FAM222A: variants seen among roughly 807,000 people sequenced by gnomAD.
FAM222A encodes family with sequence similarity 222 member A.
A neutral mutation model predicts 25.8 loss-of-function variants in FAM222A; 7 were observed. That is an observed-to-expected ratio of 0.27 (90% confidence interval 0.15 to 0.51). The LOEUF is 0.51. Among genes scored for constraint, FAM222A ranks in the 20% least tolerant of loss-of-function variants. The pLI is 0.97. For missense variants in FAM222A, 573 were observed against 640.5 expected (o/e 0.89, Z 1.14); for synonymous variants, 294 against 298.8 (o/e 0.98, Z 0.17).
At chr12:109,715,727 C>T (rs1337790437) in intron 1 of FAM222A, among the ~76,000 whole-genome samples, 1 of 152,210 alleles carries the variant, frequency 6.6e-6, no homozygotes, top group East Asian at 1.9e-4. Context: ...TGTAGCCTGG[C>T]CTGTGCCTCG....
At chr12:109,763,604 C>A (rs955873306) in intron 2 of FAM222A, among the ~76,000 whole-genome samples, 4 of 152,200 alleles carry the variant, frequency 2.6e-5, no homozygotes, top group African/African-American at 9.7e-5. Context: ...AGTGTCCTGG[C>A]ACAACAGTGG....
intron 1 of FAM222A, among the ~76,000 whole-genome samples, chr12:109,733,193 TCTGAA>T (rs1887989581): frequency 6.6e-6 from 1 of 152,078 alleles, no homozygotes; most frequent in Non-Finnish European, 1.5e-5. Flanking sequence ...GTGAGGCAAG[TCTGAA>T]CTGAACTGAG....
At chr12:109,744,469 C>T in intron 2 of FAM222A, 1 of 985,462 alleles carries the variant, frequency 1.0e-6, no homozygotes, top group Non-Finnish European at 1.2e-6. Context: ...TCCCAGCAGC[C>T]TCTTCTGACC....
chr12:109,751,683 C>G (rs1378491567), intron 2 of FAM222A, among the ~76,000 whole-genome samples: 1 of 152,192 alleles, frequency 6.6e-6, no homozygotes, highest in Non-Finnish European at 1.5e-5. Context: ...TCTTCTAAAC[C>G]AAGTAGGTCT....
chr12:109,746,678 T>C (rs1200846722), intron 2 of FAM222A, among the ~76,000 whole-genome samples: 1 of 152,222 alleles, frequency 6.6e-6, no homozygotes, highest in East Asian at 1.9e-4. Context: ...TACAATTCAA[T>C]GATTTTTAGT....
At chr12:109,744,451 G>T in intron 2 of FAM222A, 1 of 985,354 alleles carries the variant, frequency 1.0e-6, no homozygotes, top group Non-Finnish European at 1.2e-6. Context: ...ACTCTGGCTT[G>T]ACCTCCTTCC....
At chr12:109,715,956 G>C (rs1402530277) in intron 1 of FAM222A, among the ~76,000 whole-genome samples, 1 of 152,202 alleles carries the variant, frequency 6.6e-6, no homozygotes, top group African/African-American at 2.4e-5. Flanking sequence ...GCTGCCTGCT[G>C]CACCCCTAGT....
At chr12:109,722,274 A>G (rs1055283210) in intron 1 of FAM222A, among the ~76,000 whole-genome samples, 4 of 152,138 alleles carry the variant, frequency 2.6e-5, no homozygotes, top group African/African-American at 9.7e-5. Context: ...GCTGGCCTGG[A>G]TGTTTGGACT....
intron 1 of FAM222A, among the ~76,000 whole-genome samples, chr12:109,733,004 A>G (rs1289923712): frequency 6.6e-6 from 1 of 152,186 alleles, no homozygotes; most frequent in African/African-American, 2.4e-5. Flanking sequence ...GTGATGGGAC[A>G]ATGGCCAGGG....
chr12:109,762,678 A>G (rs1416624667), intron 2 of FAM222A, among the ~76,000 whole-genome samples: 1 of 152,232 alleles, frequency 6.6e-6, no homozygotes, highest in Non-Finnish European at 1.5e-5. Flanking sequence ...GCCTTCACCA[A>G]GCTGGGGTCA....
Position 109,768,301 on chromosome 12 carries a change from T to C in FAM222A, c.372T>C (p.Ser124=). 6.2e-7 allele frequency: 1 copy of C among 1,607,470 alleles called. No homozygotes were observed. Among genetic ancestry groups the C allele is most frequent in the Non-Finnish European group, 8.5e-7 (1 of 1,177,762 alleles). The change falls in exon 3 of 3, where the codon AGT becomes AGC. Residue 124 remains serine (S), a synonymous_variant. Coordinates refer to ENST00000538780, the MANE Select transcript of FAM222A (RefSeq NM_032829.3). ...CCGCACCAGCTGGGCCCGCCAAAAGTGTGCTCAAGAGCGCCGAGGGCAAGC... is the reference window on the plus strand; with the variant it reads ...CCGCACCAGCTGGGCCCGCCAAAAGCGTGCTCAAGAGCGCCGAGGGCAAGC... ...STAAPAGPAK[S]VLKSAEGKRT...
intron 1 of FAM222A, among the ~76,000 whole-genome samples, chr12:109,743,729 CA>C (rs1202201163): frequency 1.3e-5 from 2 of 151,992 alleles, no homozygotes; most frequent in African/African-American, 2.4e-5. Context: ...GACTTGCTTA[CA>C]GGGGGCCACC....
intron 2 of FAM222A, among the ~76,000 whole-genome samples, chr12:109,755,284 CTT>C (rs1888689267): frequency 1.5e-5 from 1 of 67,966 alleles, no homozygotes; most frequent in African/African-American, 5.9e-5. Context: ...GTCTGTAATT[CTT>C]CTTTTTTTTT....
At chr12:109,727,113 A>G (rs1887858220) in intron 1 of FAM222A, among the ~76,000 whole-genome samples, 1 of 150,322 alleles carries the variant, frequency 6.7e-6, no homozygotes. Context: ...CGGCCCTGCC[A>G]CACCTTACAC....
At position 109,740,120 on chromosome 12, in the gene FAM222A, C is replaced by G. The variant is rs543072707; in HGVS notation, c.-46-3981C>G. Among the ~76,000 whole-genome samples, 3 of 152,350 alleles carry G rather than the reference C, an allele frequency of 2.0e-5. No individual in the cohort carries two copies. In the South Asian group the frequency reaches 6.2e-4, roughly 32 times the overall value. ...AGACAGCCTCCTCCCATTCATTGTTCTGCTAAGGCGAGCATCACAGACTCA... is the reference window on the plus strand; with the variant it reads ...AGACAGCCTCCTCCCATTCATTGTTGTGCTAAGGCGAGCATCACAGACTCA... On this transcript the variant is annotated intron_variant, in intron 1 of 2. Transcript: ENST00000538780.
chr12:109,730,926 G>A (rs1053100582), intron 1 of FAM222A, among the ~76,000 whole-genome samples: 1 of 152,150 alleles, frequency 6.6e-6, no homozygotes, highest in Non-Finnish European at 1.5e-5. Flanking sequence ...ATCTCCTGGG[G>A]TGAGAGCTGG....
At chr12:109,743,885 C>T (rs1272908814) in intron 1 of FAM222A, 8 of 985,340 alleles carry the variant, frequency 8.1e-6, no homozygotes, top group African/African-American at 1.7e-5. Context: ...AGCCCCCACT[C>T]AAGAGCCCTG....
rs556857761 is a variant in FAM222A at position 109,737,079 on chromosome 12, G to A, written c.-46-7022G>A. Among the ~76,000 whole-genome samples, 90 of 152,252 alleles carry A rather than the reference G, an allele frequency of 5.9e-4. 1 individual carries two copies. Among genetic ancestry groups the A allele is most frequent in the African/African-American group, 2.0e-3 (84 of 41,548 alleles). ...TGACGATTCATCAAACATTTATTAT[G>A]TACCTTGTATGTCTTGGAGAAGCCC... is the stretch of plus-strand genomic sequence containing the variant. On this transcript the variant is annotated intron_variant, in intron 1 of 2. Transcript: ENST00000538780.
chr12:109,739,868 G>C (rs1346196122), intron 1 of FAM222A, among the ~76,000 whole-genome samples: 2 of 152,220 alleles, frequency 1.3e-5, no homozygotes, highest in African/African-American at 4.8e-5. Context: ...GCTGTGAAAT[G>C]GAGCCACAGA....
Sources: gnomAD v4.1 joint callset for allele counts (sites outside exome capture counted in the v4.1 genomes callset) on GRCh38, gnomAD v4.1.1 for gene constraint, MANE v1.5 for transcripts, NCBI Gene and HGNC (gene_info 2026-07-23, HGNC 2026-07-21) for gene names.